The following FDX1 variants were observed in gnomAD, a reference collection of about 807,000 sequenced individuals.
The protein encoded by FDX1 is ferredoxin 1.
FDX1 carries 9 observed loss-of-function variants against 14.9 expected under a neutral mutation model. The observed-to-expected ratio is 0.60, with a 90% confidence interval of 0.36 to 1.05. FDX1 has a LOEUF of 1.05. Among genes scored for constraint, FDX1 ranks in the 50% least tolerant of loss-of-function variants. The pLI is 0.01. For missense variants in FDX1, 204 were observed against 237.2 expected (o/e 0.86, Z 0.92); for synonymous variants, 92 against 99.4 (o/e 0.93, Z 0.44).
At chr11:110,442,402 T>G (rs1330353767) in intron 2 of FDX1, among the ~76,000 whole-genome samples, 1 of 152,220 alleles carries the variant, frequency 6.6e-6, no homozygotes, top group Non-Finnish European at 1.5e-5. Flanking sequence ...GGCTGTATCC[T>G]GCAAAGCCAC....
chr11:110,439,855 A>T (rs1023513384), intron 2 of FDX1, among the ~76,000 whole-genome samples: 25 of 152,182 alleles, frequency 1.6e-4, no homozygotes, highest in African/African-American at 6.0e-4. Flanking sequence ...AATTTTGTAT[A>T]CAGTGATAGG....
At chr11:110,455,003 T>A (rs1451971009) in intron 2 of FDX1, among the ~76,000 whole-genome samples, 1 of 152,204 alleles carries the variant, frequency 6.6e-6, no homozygotes, top group Non-Finnish European at 1.5e-5. Flanking sequence ...GGTGTTTTTT[T>A]GTTTTTGTTT....
At chr11:110,431,334 A>T (rs940335728) in intron 1 of FDX1, among the ~76,000 whole-genome samples, 2 of 152,228 alleles carry the variant, frequency 1.3e-5, no homozygotes, top group African/African-American at 4.8e-5. Context: ...ATCTCTCGAC[A>T]GCTCTTTGAC....
chr11:110,436,565 C>G (rs900222449), intron 2 of FDX1, among the ~76,000 whole-genome samples: 126 of 148,412 alleles, frequency 8.5e-4, no homozygotes, highest in African/African-American at 2.9e-3. Context: ...GATTCTCAGA[C>G]ACTCCTCCCC....
intron 2 of FDX1, among the ~76,000 whole-genome samples, chr11:110,439,107 T>C (rs530505182): frequency 1.3e-5 from 2 of 152,042 alleles, no homozygotes; most frequent in South Asian, 4.2e-4. Flanking sequence ...GGTTTCACCA[T>C]GTTGGCCAGG....
intron 2 of FDX1, among the ~76,000 whole-genome samples, chr11:110,442,970 A>G (rs1315799895): frequency 1.3e-5 from 2 of 152,258 alleles, no homozygotes; most frequent in East Asian, 3.9e-4. Context: ...ACAGTTTTAT[A>G]AGGGGAGGGG....
At chr11:110,445,316 A>G (rs1946443300) in intron 2 of FDX1, among the ~76,000 whole-genome samples, 1 of 152,202 alleles carries the variant, frequency 6.6e-6, no homozygotes, top group African/African-American at 2.4e-5. Flanking sequence ...TTAAAACATA[A>G]GTATTATGAT....
rs1565382017 is a variant in FDX1 at position 110,444,724 on chromosome 11, G to GTATATATATATATATACGTA, written c.310+8782_310+8783insCGTATATATATATATATATA. Among the ~76,000 whole-genome samples the GTATATATATATATATACGTA allele has an allele frequency of 2.4e-3, 67 of 27,402 alleles. 1 individual carries two copies. Among genetic ancestry groups the GTATATATATATATATACGTA allele is most frequent in the Non-Finnish European group, 3.2e-3 (52 of 16,240 alleles). The allele number at this position is 27,402 out of a possible 152,430, so 18.0% of individuals were successfully genotyped here. ...TATATACGTATATATATATATATAC[G>GTATATATATATATATACGTA]TATATATATATATATATATACACGT... On this transcript the variant is annotated intron_variant, in intron 2 of 3. Coordinates refer to ENST00000260270, the MANE Select transcript of FDX1 (RefSeq NM_004109.5).
At chr11:110,436,223 A>G (rs1946368221) in intron 2 of FDX1, among the ~76,000 whole-genome samples, 1 of 152,190 alleles carries the variant, frequency 6.6e-6, no homozygotes, top group Admixed American at 6.5e-5. Flanking sequence ...TACAAAGCCG[A>G]CGGTAGGGAG....
At chr11:110,447,208 T>C (rs988605438) in intron 2 of FDX1, among the ~76,000 whole-genome samples, 20 of 124,740 alleles carry the variant, frequency 1.6e-4, no homozygotes, top group African/African-American at 6.3e-4. Flanking sequence ...GATGGGCGGA[T>C]CACGAGGTCA....
chr11:110,461,844 C>T (rs1222564809), intron 3 of FDX1, among the ~76,000 whole-genome samples: 1 of 152,106 alleles, frequency 6.6e-6, no homozygotes, highest in African/African-American at 2.4e-5. Context: ...TCTTGATTTC[C>T]AGAGATGGTA....
intron 2 of FDX1, among the ~76,000 whole-genome samples, chr11:110,452,161 G>T (rs1194324479): frequency 6.6e-6 from 1 of 151,776 alleles, no homozygotes; most frequent in African/African-American, 2.4e-5. Context: ...AGGACCTGTG[G>T]GTAGGTAGGC....
rs541827807 is a variant in FDX1, at chr11:110,447,273, C to CAAAAA, written c.311-9619_311-9615dup. The stretch of plus-strand genomic sequence containing the variant: ...TGAAACCCCGTCTCTACTAAAAATA[C>CAAAAA]AAAAAAAAAAAAAAAAAAAAAAAAA... On this transcript the variant is annotated intron_variant, in intron 2 of 3. Coordinates refer to ENST00000260270, the MANE Select transcript of FDX1 (RefSeq NM_004109.5). Among the ~76,000 whole-genome samples the CAAAAA allele has an allele frequency of 2.2e-4, 17 of 75,744 alleles. 1 individual carries two copies. The highest frequency in any genetic ancestry group is 3.5e-4 in the Non-Finnish European group (13 of 36,816). 49.7% of individuals were successfully genotyped at this position (75,744 alleles called of 152,430 possible).
chr11:110,436,921 C>T (rs1946373617), intron 2 of FDX1, among the ~76,000 whole-genome samples: 1 of 152,130 alleles, frequency 6.6e-6, no homozygotes, highest in Non-Finnish European at 1.5e-5. Context: ...AAAGACTGTA[C>T]TCCATGAGGT....
In FDX1 at chr11:110,449,775, G is replaced by A. The variant is rs188543332; in HGVS notation, c.311-7143G>A. On this transcript the variant is annotated intron_variant, in intron 2 of 3. Transcript: ENST00000260270. ...TCCTAATAGCTGGGATTATAGGTGA[G>A]CACCACCACACCCAGCTAATTTTTG... Among the ~76,000 whole-genome samples, 62 of 152,174 alleles carry A rather than the reference G, an allele frequency of 4.1e-4. 2 individuals carry two copies. In the Middle Eastern group the frequency reaches 0.017, roughly 42 times the overall value.
At position 110,452,082 on chromosome 11, in the gene FDX1, A is replaced by G. The variant is rs76408801; in HGVS notation, c.311-4836A>G. Among the ~76,000 whole-genome samples the G allele has an allele frequency of 6.3e-3, 958 of 152,284 alleles. 9 individuals carry two copies. The highest frequency in any genetic ancestry group is 0.021 in the African/African-American group (886 of 41,564). On this transcript the variant is annotated intron_variant, in intron 2 of 3. Coordinates refer to ENST00000260270, the MANE Select transcript of FDX1 (RefSeq NM_004109.5). Reference sequence around the variant, plus strand: ...CATCTTATAAAAACATGAATGCAAAATTGACTTAGATCTAAATGTAGAACT... The same window carrying G: ...CATCTTATAAAAACATGAATGCAAAGTTGACTTAGATCTAAATGTAGAACT...
chr11:110,450,458 TG>T (rs950296120), intron 2 of FDX1, among the ~76,000 whole-genome samples: 1 of 152,094 alleles, frequency 6.6e-6, no homozygotes, highest in South Asian at 2.1e-4. Flanking sequence ...ATGTGAGCAA[TG>T]GGGAGCAGTT....
At position 110,459,985 on chromosome 11, in the gene FDX1, A is replaced by G. The variant is rs566169175; in HGVS notation, c.441-2369A>G. Reference sequence around the variant, plus strand: ...CCATGTTTCACTGATAACTGTTTCCATCTCTGTTTCCCTTACTAAAGTAAC... The same window carrying G: ...CCATGTTTCACTGATAACTGTTTCCGTCTCTGTTTCCCTTACTAAAGTAAC... On this transcript the variant is annotated intron_variant, in intron 3 of 3. Transcript: ENST00000260270. Among the ~76,000 whole-genome samples the G allele has an allele frequency of 2.0e-5, 3 of 152,272 alleles. No homozygotes were observed. In the South Asian group the frequency reaches 6.2e-4, roughly 32 times the overall value.
At chr11:110,456,449 G>A (rs1392389320) in intron 2 of FDX1, among the ~76,000 whole-genome samples, 1 of 151,836 alleles carries the variant, frequency 6.6e-6, no homozygotes, top group Non-Finnish European at 1.5e-5. Context: ...GTGTGCATGT[G>A]GCAGGAGATG....
Sources: allele counts gnomAD v4.1 joint callset (sites outside exome capture counted in the v4.1 genomes callset), GRCh38; gene constraint gnomAD v4.1.1; transcripts MANE v1.5; gene names NCBI Gene and HGNC (gene_info 2026-07-23, HGNC 2026-07-21).